Variants in PDZRN3 observed in about 807,000 individuals in gnomAD.
The protein encoded by PDZRN3 is E3 ubiquitin-protein ligase PDZRN3.
Under a neutral mutation model 85.7 loss-of-function variants are expected in PDZRN3, and 38 were observed. The ratio of observed to expected loss-of-function variants is 0.44; its 90% CI spans 0.34 to 0.58. The LOEUF (loss-of-function observed/expected upper bound fraction) is 0.58. Among genes scored for constraint, PDZRN3 ranks in the 20% least tolerant of loss-of-function variants. The pLI is 0.01. For missense variants in PDZRN3, 1,629 were observed against 1,506.4 expected, an observed-to-expected ratio of 1.08 and a Z score of -1.35; for synonymous variants, 759 against 638.0, an observed-to-expected ratio of 1.19 and a Z score of -2.86.
chr3:73,499,247 G>A (rs191550948), intron 3 of PDZRN3, among the ~76,000 whole-genome samples: 32 of 152,268 alleles, frequency 2.1e-4, no homozygotes, highest in African/African-American at 6.7e-4. Context: ...AGTGAAGACC[G>A]GCGAGTCCTG....
chr3:73,624,392 C>A lies in PDZRN3; in HGVS notation c.434G>T (p.Gly145Val). 7.6e-7 allele frequency: 1 copy of A among 1,307,552 alleles called. No homozygotes were observed. Among genetic ancestry groups the A allele is most frequent in the Non-Finnish European group, 9.7e-7 (1 of 1,033,584 alleles). 81.0% of individuals were successfully genotyped at this position (1,307,552 alleles called of 1,614,324 possible). ...GCCGTGCGTCAAGGGTAGCCCGCAG[C>A]CCTCCTGGCAGCGGCCCACTGGCCG... ...DARPVGRCQE[G>V]CGLPLTHGEQ... The change falls in exon 1 of 10, where the codon GGC becomes GTC. Residue 145 changes from glycine to valine, a missense_variant. Transcript: ENST00000263666.
intron 3 of PDZRN3, among the ~76,000 whole-genome samples, chr3:73,525,579 T>C (rs11926202): frequency 0.018 from 2,711 of 152,288 alleles, 83 homozygotes; most frequent in African/African-American, 0.061. Flanking sequence ...TGCAGAGTTC[T>C]TCTTCCAACT....
At chr3:73,534,508 G>A (rs1184285791) in intron 3 of PDZRN3, among the ~76,000 whole-genome samples, 2 of 152,144 alleles carry the variant, frequency 1.3e-5, no homozygotes, top group African/African-American at 4.8e-5. Flanking sequence ...CTGGTGAAAG[G>A]AGCAGACTCA....
intron 3 of PDZRN3, among the ~76,000 whole-genome samples, chr3:73,602,150 T>C (rs992906502): frequency 6.6e-6 from 1 of 152,196 alleles, no homozygotes; most frequent in Non-Finnish European, 1.5e-5. Flanking sequence ...ATTCCACTCA[T>C]AATCTGGCTT....
At position 73,586,067 on chromosome 3, in the gene PDZRN3, C is replaced by T. The variant is rs370082350; in HGVS notation, c.918+16287G>A. On this transcript the variant is annotated intron_variant, in intron 3 of 9. Transcript: ENST00000263666. ...TTTTTAAAGTTTAGATTTTACAAAA[C>T]CCAATGTGGCATACCAAAAATTAAA... is the stretch of plus-strand genomic sequence containing the variant. Among the ~76,000 whole-genome samples, 57 of 152,302 alleles carry T rather than the reference C, an allele frequency of 3.7e-4. No homozygotes were observed. The South Asian group carries it at 0.011, about 30-fold the overall frequency.
intron 3 of PDZRN3, among the ~76,000 whole-genome samples, chr3:73,505,798 G>A (rs1704059848): frequency 6.6e-6 from 1 of 152,042 alleles, no homozygotes; most frequent in South Asian, 2.1e-4. Context: ...TAAAGTCAGT[G>A]TGAGGAAAAA....
At chr3:73,485,222 AG>A (rs1005753480) in intron 3 of PDZRN3, among the ~76,000 whole-genome samples, 2 of 151,886 alleles carry the variant, frequency 1.3e-5, no homozygotes, top group African/African-American at 4.8e-5. Context: ...AGACACACAT[AG>A]CCCCAGAAAA....
At chr3:73,454,321 G>A (rs185003273) in intron 3 of PDZRN3, among the ~76,000 whole-genome samples, 2 of 152,222 alleles carry the variant, frequency 1.3e-5, no homozygotes, top group African/African-American at 2.4e-5. Flanking sequence ...AGAGGAAGGG[G>A]CCTAGCACTT....
At chr3:73,541,782 T>C (rs1446820544) in intron 3 of PDZRN3, among the ~76,000 whole-genome samples, 1 of 152,236 alleles carries the variant, frequency 6.6e-6, no homozygotes, top group Non-Finnish European at 1.5e-5. Flanking sequence ...TCTAGTATTT[T>C]ACACTGTGGT....
At chr3:73,461,280 A>G (rs1295147119) in intron 3 of PDZRN3, among the ~76,000 whole-genome samples, 1 of 152,202 alleles carries the variant, frequency 6.6e-6, no homozygotes, top group Non-Finnish European at 1.5e-5. Context: ...CTTATTCTAC[A>G]TGTATATGTT....
chr3:73,552,839 A>C (rs1003663295), intron 3 of PDZRN3, among the ~76,000 whole-genome samples: 4 of 152,236 alleles, frequency 2.6e-5, no homozygotes, highest in African/African-American at 9.6e-5. Flanking sequence ...TTTCTATTAG[A>C]GTATAAACAA....
intron 3 of PDZRN3, among the ~76,000 whole-genome samples, chr3:73,573,597 A>G (rs1400120992): frequency 6.6e-6 from 1 of 152,168 alleles, no homozygotes; most frequent in Non-Finnish European, 1.5e-5. Flanking sequence ...CCCAAAGCTG[A>G]AAACATTTAC....
At chr3:73,428,906 C>T (rs1340471819) in intron 3 of PDZRN3, among the ~76,000 whole-genome samples, 1 of 150,746 alleles carries the variant, frequency 6.6e-6, no homozygotes, top group Non-Finnish European at 1.5e-5. Context: ...TTTTTTTTTC[C>T]CCCAGAGAAG....
At chr3:73,441,827 G>A (rs899348597) in intron 3 of PDZRN3, among the ~76,000 whole-genome samples, 2 of 152,204 alleles carry the variant, frequency 1.3e-5, no homozygotes, top group Non-Finnish European at 2.9e-5. Flanking sequence ...TGAGGATGCC[G>A]ATCAACATAC....
intron 3 of PDZRN3, among the ~76,000 whole-genome samples, chr3:73,457,946 A>G (rs1013834426): frequency 6.6e-6 from 1 of 152,166 alleles, no homozygotes; most frequent in African/African-American, 2.4e-5. Context: ...TAAGCCACCT[A>G]TTTTATGGCA....
chr3:73,450,135 T>C lies in PDZRN3; in HGVS notation c.919-45740A>G, dbSNP rs140003097. ...GTTCCACTGCAAGTTCTAACAGCAT[T>C]GGTTTTTGGAAAATGTTTCCTAAGA... On this transcript the variant is annotated intron_variant, in intron 3 of 9. Transcript: ENST00000263666. Among the ~76,000 whole-genome samples the C allele has an allele frequency of 3.7e-4, 56 of 152,294 alleles. No individual in the cohort carries two copies. In the East Asian group the frequency reaches 0.01, roughly 28 times the overall value.
intron 3 of PDZRN3, among the ~76,000 whole-genome samples, chr3:73,588,372 T>A (rs1464847092): frequency 6.6e-6 from 1 of 152,218 alleles, no homozygotes; most frequent in Non-Finnish European, 1.5e-5. Flanking sequence ...TTTACTATTG[T>A]AAACAGGTAA....
intron 3 of PDZRN3, chr3:73,404,598 C>CA (rs1701817930): frequency 5.6e-6 from 3 of 534,718 alleles, no homozygotes. Flanking sequence ...TCAGATCTGG[C>CA]ATGCAATAAT....
rs576625181 is a variant in PDZRN3 at position 73,400,316 on chromosome 3, T to C, written c.1254+606A>G. Among the ~76,000 whole-genome samples the C allele has an allele frequency of 8.5e-5, 13 of 152,346 alleles. No individual in the cohort carries two copies. The South Asian group carries it at 2.7e-3, about 32-fold the overall frequency. On this transcript the variant is annotated intron_variant, in intron 5 of 9. Coordinates refer to ENST00000263666, the MANE Select transcript of PDZRN3 (RefSeq NM_015009.3). ...AAGGAAAATGGGAAGTAGAACTCTG[T>C]TGGCAACCTGGTGTCCTCTAAATAT... is the stretch of plus-strand genomic sequence containing the variant.
Sources: gnomAD v4.1 joint callset for allele counts (sites outside exome capture counted in the v4.1 genomes callset) on GRCh38, gnomAD v4.1.1 for gene constraint, MANE v1.5 for transcripts, NCBI Gene and HGNC (gene_info 2026-07-23, HGNC 2026-07-21) for gene names.